Variants in CCDC6 observed in about 807,000 individuals in gnomAD.
CCDC6 encodes coiled-coil domain-containing protein 6.
In CCDC6, 20 loss-of-function variants were observed where a neutral mutation model predicts 56.6. The observed-to-expected ratio is 0.35, with a 90% CI of 0.25 to 0.51. The LOEUF (loss-of-function observed/expected upper bound fraction) is 0.51. Ranked by LOEUF, CCDC6 falls within the 20% of genes least tolerant of loss-of-function variation. The pLI, the probability that CCDC6 is intolerant of heterozygous loss-of-function variation, is 0.95. For missense variants in CCDC6, 367 were observed against 601.1 expected (o/e 0.61, Z 4.07); for synonymous variants, 241 against 234.4 (o/e 1.03, Z -0.26).
At chr10:59,835,923 C>T (rs897415387) in intron 2 of CCDC6, among the ~76,000 whole-genome samples, 22 of 151,822 alleles carry the variant, frequency 1.4e-4, no homozygotes, top group African/African-American at 4.6e-4. Flanking sequence ...CACGGTGGTG[C>T]GCGCACCTGT....
intron 3 of CCDC6, among the ~76,000 whole-genome samples, chr10:59,831,982 A>AAATT (rs1589043615): frequency 1.3e-5 from 2 of 152,242 alleles, no homozygotes; most frequent in Non-Finnish European, 2.9e-5. Context: ...GAGCCCAGAG[A>AAATT]AATTAATGAA....
At chr10:59,864,145 G>T (rs1449848133) in intron 1 of CCDC6, among the ~76,000 whole-genome samples, 1 of 152,192 alleles carries the variant, frequency 6.6e-6, no homozygotes, top group East Asian at 1.9e-4. Context: ...TCTGAATCTG[G>T]GTCCTAAAAG....
chr10:59,903,492 G>A (rs559084462), intron 1 of CCDC6, among the ~76,000 whole-genome samples: 107 of 152,096 alleles, frequency 7.0e-4, no homozygotes, highest in Admixed American at 1.3e-3. Context: ...CAAGTCGGGG[G>A]AAAAAAAGAG....
At chr10:59,799,416 ACT>A (rs1269706706) in intron 7 of CCDC6, among the ~76,000 whole-genome samples, 6 of 152,122 alleles carry the variant, frequency 3.9e-5, no homozygotes. Flanking sequence ...ACAGAGCAAG[ACT>A]CTATCTCGAA....
rs189644203 is a variant in CCDC6 at position 59,854,672 on chromosome 10, C to T, written c.304-1970G>A. The stretch of plus-strand genomic sequence containing the variant: ...CTGCTGAGAACTCATACTTCTCCTC[C>T]CCCTTTAAATCAATCCCCACTTGCC... On this transcript the variant is annotated intron_variant, in intron 1 of 8. Transcript: ENST00000263102. Among the ~76,000 whole-genome samples the T allele has an allele frequency of 2.1e-3, 327 of 152,276 alleles. 3 individuals are homozygous for T. Among genetic ancestry groups the T allele is most frequent in the Admixed American group, 4.6e-3 (70 of 15,298 alleles).
intron 4 of CCDC6, among the ~76,000 whole-genome samples, chr10:59,813,414 G>C (rs1427464217): frequency 6.6e-6 from 1 of 152,146 alleles, no homozygotes; most frequent in African/African-American, 2.4e-5. Flanking sequence ...TTTTTATGTT[G>C]AAGGATATAA....
At chr10:59,880,564 G>A (rs766089517) in intron 1 of CCDC6, among the ~76,000 whole-genome samples, 1 of 152,204 alleles carries the variant, frequency 6.6e-6, no homozygotes, top group Non-Finnish European at 1.5e-5. Context: ...TCTGTTTCGT[G>A]ATCTGGGTGC....
At position 59,906,142 on chromosome 10, in the gene CCDC6, G is replaced by A; in HGVS notation, c.283C>T (p.Arg95Cys). 1 of 1,602,246 alleles carries A rather than the reference G, an allele frequency of 6.2e-7. No homozygotes were observed. ...CTCACGATGGTCACGCTGGCTTTGC[G>A]CAGGTCGCGGTTCTCCTCCTGCAGT... The part of the protein sequence containing the change: ...KALQEENRDL[R>C]KASVTIQARA... The change falls in exon 1 of 9, where the codon CGC (arginine) becomes TGC (cysteine). Residue 95 changes from arginine to cysteine, a missense_variant. Arg to Cys is a radical substitution (Grantham distance 180, BLOSUM62 -3). Transcript: ENST00000263102.
At chr10:59,796,803 T>TA (rs750882605) in intron 7 of CCDC6, among the ~76,000 whole-genome samples, 3 of 151,420 alleles carry the variant, frequency 2.0e-5, no homozygotes, top group South Asian at 2.1e-4. Flanking sequence ...CCGTCTCTAC[T>TA]AAAAAAAATA....
chr10:59,857,837 T>C (rs1173378888), intron 1 of CCDC6, among the ~76,000 whole-genome samples: 1 of 152,232 alleles, frequency 6.6e-6, no homozygotes, highest in African/African-American at 2.4e-5. Context: ...CACAAATTAA[T>C]GATCTTAACA....
chr10:59,813,411 G>A (rs1190364774), intron 4 of CCDC6, among the ~76,000 whole-genome samples: 1 of 152,170 alleles, frequency 6.6e-6, no homozygotes, highest in African/African-American at 2.4e-5. Flanking sequence ...TTATTTTTAT[G>A]TTGAAGGATA....
intron 3 of CCDC6, among the ~76,000 whole-genome samples, chr10:59,827,758 GAATAACT>G (rs1462190669): frequency 2.0e-4 from 31 of 152,228 alleles, no homozygotes; most frequent in African/African-American, 7.5e-4. Flanking sequence ...TAAATTCCAG[GAATAACT>G]GAAAAAAAGA....
At chr10:59,855,727 T>C (rs1481732618) in intron 1 of CCDC6, among the ~76,000 whole-genome samples, 2 of 152,200 alleles carry the variant, frequency 1.3e-5, no homozygotes, top group Non-Finnish European at 2.9e-5. Flanking sequence ...ACCACAGAAC[T>C]ATATACTTTA....
chr10:59,799,131 T>TAAAA (rs573382025), intron 7 of CCDC6, among the ~76,000 whole-genome samples: 2 of 144,582 alleles, frequency 1.4e-5, no homozygotes, highest in Non-Finnish European at 3.0e-5. Flanking sequence ...CCTACTTACT[T>TAAAA]AAAAAAAAAA....
intron 2 of CCDC6, among the ~76,000 whole-genome samples, chr10:59,834,019 C>A (rs1281799578): frequency 6.6e-6 from 1 of 152,142 alleles, no homozygotes; most frequent in African/African-American, 2.4e-5. Context: ...GAGCACCTAC[C>A]ACACCCTGTG....
At chr10:59,883,140 A>C (rs2071358532) in intron 1 of CCDC6, among the ~76,000 whole-genome samples, 1 of 152,216 alleles carries the variant, frequency 6.6e-6, no homozygotes, top group South Asian at 2.1e-4. Flanking sequence ...TCCATTGCCC[A>C]CTGTGGTCTC....
rs781620941 is a variant in CCDC6, at chr10:59,825,907, T to C, written c.582+6618A>G. Among the ~76,000 whole-genome samples the C allele has an allele frequency of 3.9e-5, 6 of 152,220 alleles. No homozygotes were observed. The South Asian group carries it at 6.2e-4, about 16-fold the overall frequency. On this transcript the variant is annotated intron_variant, in intron 3 of 8. Coordinates refer to ENST00000263102, the MANE Select transcript of CCDC6 (RefSeq NM_005436.5). ...AAGACAATGAATTTAAAAAATTTTG[T>C]CCTGAGGATTCAAATTCATTATTCT...
chr10:59,820,829 A>T (rs921594757), intron 3 of CCDC6, among the ~76,000 whole-genome samples: 9 of 152,010 alleles, frequency 5.9e-5, no homozygotes, highest in African/African-American at 1.9e-4. Context: ...TAACAGCCAC[A>T]TTAACCAAAC....
At chr10:59,890,770 T>C (rs1450924588) in intron 1 of CCDC6, among the ~76,000 whole-genome samples, 1 of 152,188 alleles carries the variant, frequency 6.6e-6, no homozygotes, top group African/African-American at 2.4e-5. Context: ...CTAGGGTACA[T>C]GTGCACAACG....
Sources: gnomAD v4.1 joint callset for allele counts (sites outside exome capture counted in the v4.1 genomes callset) on GRCh38, gnomAD v4.1.1 for gene constraint, MANE v1.5 for transcripts, NCBI Gene and HGNC (gene_info 2026-07-23, HGNC 2026-07-21) for gene names.